The following MRPL1 variants were observed in gnomAD, a reference collection of about 807,000 sequenced individuals.
MRPL1 encodes the protein mitochondrial ribosomal protein L1.
In MRPL1, 28 loss-of-function variants were observed where a neutral mutation model predicts 38.0. That is an observed-to-expected ratio of 0.74 (90% CI 0.55 to 1.01). MRPL1 has a LOEUF of 1.01. Ranked by LOEUF, MRPL1 falls within the 50% of genes least tolerant of loss-of-function variation. The pLI is 0.00. For missense variants in MRPL1, 358 were observed against 389.8 expected, an observed-to-expected ratio of 0.92 and a Z score of 0.69; for synonymous variants, 123 against 126.7, an observed-to-expected ratio of 0.97 and a Z score of 0.20.
At chr4:77,867,387 CTTCA>C (rs769856447) in intron 1 of MRPL1, among the ~76,000 whole-genome samples, 1 of 152,084 alleles carries the variant, frequency 6.6e-6, no homozygotes, top group Non-Finnish European at 1.5e-5. Context: ...TTCAAATTTT[CTTCA>C]TTCAACAAAT....
chr4:77,886,551 C>T (rs1478302836), intron 4 of MRPL1, among the ~76,000 whole-genome samples: 1 of 152,042 alleles, frequency 6.6e-6, no homozygotes, highest in Non-Finnish European at 1.5e-5. Flanking sequence ...TCAGGCTGGT[C>T]TCGAGCTCCT....
At chr4:77,920,155 G>T (rs77354437) in intron 7 of MRPL1, among the ~76,000 whole-genome samples, 6,890 of 152,118 alleles carry the variant, frequency 0.045, 195 homozygotes, top group African/African-American at 0.076. Flanking sequence ...TGCTATCATT[G>T]TAGCAACTTG....
chr4:77,921,769 A>G (rs979836562), intron 7 of MRPL1, among the ~76,000 whole-genome samples: 6 of 146,880 alleles, frequency 4.1e-5, no homozygotes, highest in Admixed American at 3.4e-4. Context: ...CCTTTCGTGC[A>G]GAGTTTTTTT....
At chr4:77,871,949 T>A in intron 2 of MRPL1, 94 bp downstream of exon 2, 1 of 809,910 alleles carries the variant, frequency 1.2e-6, no homozygotes, top group Non-Finnish European at 2.0e-6. Flanking sequence ...CCAGGACATA[T>A]AGTTGTAAAA....
At chr4:77,874,052 G>A (rs895656482) in intron 2 of MRPL1, among the ~76,000 whole-genome samples, 5 of 150,566 alleles carry the variant, frequency 3.3e-5, no homozygotes, top group African/African-American at 4.9e-5. Context: ...GGGCTGGAGC[G>A]CGGTGCTGCG....
chr4:77,891,379 A>T (rs1735804604), intron 5 of MRPL1, among the ~76,000 whole-genome samples: 1 of 145,378 alleles, frequency 6.9e-6, no homozygotes. Flanking sequence ...TTTTTGAGAC[A>T]GTGTGTCGTT....
At chr4:77,879,078 C>A (rs1254110795) in intron 2 of MRPL1, among the ~76,000 whole-genome samples, 1 of 152,118 alleles carries the variant, frequency 6.6e-6, no homozygotes, top group East Asian at 1.9e-4. Flanking sequence ...TTGTCCTCTA[C>A]CTTCCCAAAA....
chr4:77,936,727 A>G (rs1027991236), intron 7 of MRPL1, among the ~76,000 whole-genome samples: 30 of 152,212 alleles, frequency 2.0e-4, no homozygotes, highest in African/African-American at 7.0e-4. Context: ...TCCTGTTTCT[A>G]ATATCTCATT....
At chr4:77,867,906 G>A (rs529421730) in intron 1 of MRPL1, among the ~76,000 whole-genome samples, 1 of 151,598 alleles carries the variant, frequency 6.6e-6, no homozygotes, top group East Asian at 1.9e-4. Context: ...ATAGGCGCCC[G>A]CCACCATGCC....
At chr4:77,931,919 C>T (rs549482684) in intron 7 of MRPL1, among the ~76,000 whole-genome samples, 23 of 152,084 alleles carry the variant, frequency 1.5e-4, no homozygotes, top group South Asian at 8.7e-4. Context: ...GTTCACGCAG[C>T]GCTGTGAGGA....
intron 5 of MRPL1, among the ~76,000 whole-genome samples, chr4:77,889,242 C>A (rs1052770432): frequency 6.6e-6 from 1 of 152,168 alleles, no homozygotes; most frequent in Non-Finnish European, 1.5e-5. Context: ...TAAAGCACTC[C>A]TCAGCAAATG....
chr4:77,943,175 A>T (rs1358046777), intron 7 of MRPL1, among the ~76,000 whole-genome samples: 1 of 149,520 alleles, frequency 6.7e-6, no homozygotes. Flanking sequence ...TTGGCCAATA[A>T]TTTTTTTTTT....
intron 7 of MRPL1, among the ~76,000 whole-genome samples, chr4:77,937,228 G>A (rs927067204): frequency 3.3e-5 from 5 of 151,928 alleles, no homozygotes; most frequent in Admixed American, 6.6e-5. Context: ...TGCGTTAGAC[G>A]CACGCATACT....
At chr4:77,933,069 C>G (rs964467969) in intron 7 of MRPL1, among the ~76,000 whole-genome samples, 1 of 152,148 alleles carries the variant, frequency 6.6e-6, no homozygotes, top group Non-Finnish European at 1.5e-5. Context: ...CCTTTTTCAG[C>G]CTCTCAAGTA....
chr4:77,913,378 T>C (rs113480018), intron 7 of MRPL1, among the ~76,000 whole-genome samples: 2,685 of 152,198 alleles, frequency 0.018, 33 homozygotes, highest in Non-Finnish European at 0.028. Context: ...GATATATAGA[T>C]GACAAACACA....
intron 7 of MRPL1, among the ~76,000 whole-genome samples, chr4:77,943,677 G>A (rs1737186720): frequency 6.6e-6 from 1 of 152,050 alleles, no homozygotes; most frequent in Non-Finnish European, 1.5e-5. Flanking sequence ...AGACTTTACA[G>A]TGCATTTTGC....
intron 6 of MRPL1, among the ~76,000 whole-genome samples, chr4:77,902,710 G>A (rs1232113779): frequency 6.6e-6 from 1 of 151,262 alleles, no homozygotes; most frequent in Non-Finnish European, 1.5e-5. Flanking sequence ...AAATTTAAAT[G>A]ATAATAAGGA....
intron 6 of MRPL1, 112 bp from the exon 7 acceptor site, chr4:77,909,154 A>T: frequency 1.4e-6 from 1 of 738,634 alleles, no homozygotes; most frequent in Non-Finnish European, 2.4e-6. Context: ...ACTAAAGTTT[A>T]TCTGCCACAA....
At chr4:77,935,126 T>G (rs1736934286) in intron 7 of MRPL1, among the ~76,000 whole-genome samples, 1 of 152,028 alleles carries the variant, frequency 6.6e-6, no homozygotes, top group Non-Finnish European at 1.5e-5. Flanking sequence ...TTACCAGGAG[T>G]CAGGAGTGGA....
Sources: gnomAD v4.1 joint callset for allele counts (sites outside exome capture counted in the v4.1 genomes callset) on GRCh38, gnomAD v4.1.1 for gene constraint, MANE v1.5 for transcripts, NCBI Gene and HGNC (gene_info 2026-07-23, HGNC 2026-07-21) for gene names.